Variants in ARK2N observed in about 807,000 individuals in gnomAD.
ARK2N encodes protein ARK2N.
the ARK2N span, among the ~76,000 whole-genome samples, chr18:46,198,411 A>G: frequency 6.6e-6 from 1 of 151,828 alleles, no homozygotes; most frequent in Admixed American, 6.6e-5. Context: ...ACATTGGTCC[A>G]TAAAACGAAG....
the ARK2N span, among the ~76,000 whole-genome samples, chr18:46,244,773 T>C: frequency 1.3e-5 from 2 of 151,742 alleles, no homozygotes; most frequent in Non-Finnish European, 2.9e-5. Context: ...GGCTAATTTT[T>C]GTATTTTTAG....
the ARK2N span, among the ~76,000 whole-genome samples, chr18:46,180,333 A>T: frequency 6.6e-6 from 1 of 152,252 alleles, no homozygotes; most frequent in Admixed American, 6.5e-5. Flanking sequence ...GACTTAATGC[A>T]TATGTGGTAT....
At chr18:46,177,761 T>C in the ARK2N span, among the ~76,000 whole-genome samples, 16 of 151,986 alleles carry the variant, frequency 1.1e-4, no homozygotes, top group African/African-American at 3.9e-4. Flanking sequence ...TTTAAAAACT[T>C]AGCTGGGTGG....
chr18:46,249,238 T>TA, the ARK2N span, among the ~76,000 whole-genome samples: 2 of 152,034 alleles, frequency 1.3e-5, no homozygotes, highest in African/African-American at 4.8e-5. Flanking sequence ...TCTTTTTTTT[T>TA]ACTTTTTTTG....
At chr18:46,212,990 A>ATTTTTTT in the ARK2N span, among the ~76,000 whole-genome samples, 6 of 80,500 alleles carry the variant, frequency 7.5e-5, no homozygotes, top group Non-Finnish European at 9.5e-5. Context: ...TTTAAGAAGA[A>ATTTTTTT]TTTTTTTTTT....
chr18:46,207,771 A>G, the ARK2N span, among the ~76,000 whole-genome samples: 4 of 152,206 alleles, frequency 2.6e-5, no homozygotes, highest in Non-Finnish European at 4.4e-5. Flanking sequence ...TCAGTTATCA[A>G]TAACTGCAAC....
the ARK2N span, among the ~76,000 whole-genome samples, chr18:46,207,129 A>G: frequency 6.6e-6 from 1 of 152,226 alleles, no homozygotes; most frequent in East Asian, 1.9e-4. Flanking sequence ...GCTACTCAGT[A>G]AGTCATGTGA....
chr18:46,257,649 C>T, the ARK2N span, among the ~76,000 whole-genome samples: 1 of 138,456 alleles, frequency 7.2e-6, no homozygotes, highest in African/African-American at 2.6e-5. Context: ...TTTTAATTTA[C>T]AAACCTCAGG....
the ARK2N span, among the ~76,000 whole-genome samples, chr18:46,261,823 A>AGGGCATGTTTGCAGGAGTT: frequency 2.0e-5 from 3 of 152,302 alleles, no homozygotes; most frequent in Admixed American, 6.5e-5. Context: ...TTGTAGGAGT[A>AGGGCATGTTTGCAGGAGTT]GGGCATGTTT....
chr18:46,263,979 A>C, the ARK2N span: 1 of 152,328 alleles, frequency 6.6e-6, no homozygotes, highest in South Asian at 2.1e-4. Context: ...ATGAAAAGTT[A>C]TGTGGCCTCT....
At chr18:46,174,547 C>G in the ARK2N span, among the ~76,000 whole-genome samples, 4 of 152,138 alleles carry the variant, frequency 2.6e-5, no homozygotes, top group Admixed American at 6.5e-5. Context: ...CGCACCTCTC[C>G]GACCTCCTTG....
the ARK2N span, among the ~76,000 whole-genome samples, chr18:46,189,470 T>C: frequency 6.6e-6 from 1 of 152,164 alleles, no homozygotes; most frequent in Non-Finnish European, 1.5e-5. Flanking sequence ...AAAAAATTAT[T>C]TAAAGAGATG....
At chr18:46,213,836 A>G in the ARK2N span, among the ~76,000 whole-genome samples, 2 of 152,124 alleles carry the variant, frequency 1.3e-5, no homozygotes, top group Admixed American at 6.5e-5. Context: ...AGCTGGGACT[A>G]CAGGCGCTCG....
the ARK2N span, among the ~76,000 whole-genome samples, chr18:46,242,075 C>T: frequency 2.0e-5 from 3 of 152,178 alleles, no homozygotes; most frequent in East Asian, 3.9e-4. Context: ...TCCCAAAGTG[C>T]TGGGATTACA....
the ARK2N span, among the ~76,000 whole-genome samples, chr18:46,183,865 C>G: frequency 6.6e-6 from 1 of 152,014 alleles, no homozygotes; most frequent in Non-Finnish European, 1.5e-5. Flanking sequence ...GCTCTGTCGC[C>G]CAGGCTGGAG....
At chr18:46,199,165 CCTT>C in the ARK2N span, among the ~76,000 whole-genome samples, 1 of 152,028 alleles carries the variant, frequency 6.6e-6, no homozygotes, top group Non-Finnish European at 1.5e-5. Flanking sequence ...ATATTTAAGA[CCTT>C]CTTGCTTGTT....
the ARK2N span, chr18:46,265,723 C>T: frequency 6.6e-6 from 1 of 152,574 alleles, no homozygotes; most frequent in African/African-American, 2.4e-5. Flanking sequence ...TGGTTTCAGG[C>T]AAGGTATTAA....
chr18:46,259,908 A>G, the ARK2N span, among the ~76,000 whole-genome samples: 7 of 22,106 alleles, frequency 3.2e-4, no homozygotes, highest in Non-Finnish European at 5.5e-4. Flanking sequence ...TGCGACAGAG[A>G]TGGGGTTTCA....
At chr18:46,241,255 A>G in the ARK2N span, among the ~76,000 whole-genome samples, 1 of 152,176 alleles carries the variant, frequency 6.6e-6, no homozygotes, top group Admixed American at 6.5e-5. Flanking sequence ...TAATTTTGGA[A>G]CTGAACCTGA....
Sources: allele counts gnomAD v4.1 joint callset (sites outside exome capture counted in the v4.1 genomes callset), GRCh38; gene constraint gnomAD v4.1.1; transcripts MANE v1.5; gene names NCBI Gene and HGNC (gene_info 2026-07-23, HGNC 2026-07-21).